The following MVB12B variants were observed in gnomAD, a reference collection of about 807,000 sequenced individuals.
MVB12B encodes ESCRT-I complex subunit MVB12B.
Under a neutral mutation model 41.6 loss-of-function variants are expected in MVB12B, and 16 were observed. The observed-to-expected ratio is 0.38, with a 90% CI of 0.26 to 0.58. MVB12B has a LOEUF of 0.58. Among genes scored for constraint, MVB12B ranks in the 20% least tolerant of loss-of-function variants. The pLI is 0.62. For synonymous variants in MVB12B, 133 were observed against 139.7 expected, an observed-to-expected ratio of 0.95 and a Z score of 0.34; for missense variants, 274 against 380.2, an observed-to-expected ratio of 0.72 and a Z score of 2.32.
At chr9:126,336,754 G>GCACGCACA (rs1554766433) in intron 1 of MVB12B, among the ~76,000 whole-genome samples, 7 of 150,292 alleles carry the variant, frequency 4.7e-5, no homozygotes, top group Admixed American at 4.6e-4. Flanking sequence ...GTGTGTGCAC[G>GCACGCACA]CACACACACA....
At chr9:126,383,576 G>A (rs984083584) in intron 3 of MVB12B, among the ~76,000 whole-genome samples, 5 of 152,178 alleles carry the variant, frequency 3.3e-5, no homozygotes, top group African/African-American at 1.2e-4. Flanking sequence ...CTGGCTACCA[G>A]AGACAATATA....
At chr9:126,461,078 G>A (rs1401610698) in intron 7 of MVB12B, among the ~76,000 whole-genome samples, 1 of 152,210 alleles carries the variant, frequency 6.6e-6, no homozygotes, top group Non-Finnish European at 1.5e-5. Flanking sequence ...ATCCAGGTGG[G>A]TGGCAGAGCT....
intron 2 of MVB12B, among the ~76,000 whole-genome samples, chr9:126,378,848 C>T (rs574474507): frequency 3.3e-5 from 5 of 152,280 alleles, no homozygotes; most frequent in South Asian, 4.1e-4. Context: ...CTCACGTTGC[C>T]GGCTTCTCCC....
At chr9:126,479,861 C>G (rs565157417) in intron 7 of MVB12B, among the ~76,000 whole-genome samples, 1 of 152,304 alleles carries the variant, frequency 6.6e-6, no homozygotes, top group South Asian at 2.1e-4. Flanking sequence ...ATGTTTTATC[C>G]CTGTATGAAC....
intron 7 of MVB12B, among the ~76,000 whole-genome samples, chr9:126,466,809 T>C (rs1287981946): frequency 6.6e-6 from 1 of 152,078 alleles, no homozygotes; most frequent in Non-Finnish European, 1.5e-5. Context: ...TGTATGCCAC[T>C]CACTTTTGTG....
At chr9:126,431,645 C>T (rs562391344) in intron 7 of MVB12B, among the ~76,000 whole-genome samples, 6 of 152,090 alleles carry the variant, frequency 3.9e-5, no homozygotes, top group Non-Finnish European at 8.8e-5. Context: ...AGAGCTTAGG[C>T]GGCACTGGTT....
At chr9:126,411,107 T>C (rs186852566) in intron 6 of MVB12B, among the ~76,000 whole-genome samples, 17 of 152,278 alleles carry the variant, frequency 1.1e-4, no homozygotes, top group African/African-American at 3.9e-4. Flanking sequence ...CAGGCTGGTC[T>C]TGAACTCCTG....
chr9:126,465,434 A>G (rs945675578), intron 7 of MVB12B, among the ~76,000 whole-genome samples: 1 of 152,046 alleles, frequency 6.6e-6, no homozygotes, highest in African/African-American at 2.4e-5. Context: ...CAAACTCACC[A>G]GTGAGCACCA....
In MVB12B at chr9:126,367,206, C is replaced by G. The variant is rs753733448; in HGVS notation, c.205-13858C>G. Reference sequence around the variant, plus strand: ...CGACTCCAGGTTTCTCCTATAAGCGCCACTCTGAGAATTTCTCCTTCCTGC... The same window carrying G: ...CGACTCCAGGTTTCTCCTATAAGCGGCACTCTGAGAATTTCTCCTTCCTGC... On this transcript the variant is annotated intron_variant, in intron 2 of 9. Coordinates refer to ENST00000361171, the MANE Select transcript of MVB12B (RefSeq NM_033446.3). The surrounding 1 kb of genome is among the most constrained non-coding windows in gnomAD (Gnocchi z 4.3). Among the ~76,000 whole-genome samples, 1 of 152,134 alleles carries G rather than the reference C, an allele frequency of 6.6e-6. No homozygotes were observed. The highest frequency in any genetic ancestry group is 1.5e-5 in the Non-Finnish European group (1 of 68,034).
At chr9:126,492,674 G>A (rs527848625) in intron 9 of MVB12B, among the ~76,000 whole-genome samples, 30 of 152,092 alleles carry the variant, frequency 2.0e-4, no homozygotes, top group African/African-American at 6.8e-4. Flanking sequence ...CCACCCCATC[G>A]CTACAAAAAT....
intron 2 of MVB12B, among the ~76,000 whole-genome samples, chr9:126,368,348 G>A (rs1271137778): frequency 6.6e-6 from 1 of 152,174 alleles, no homozygotes; most frequent in African/African-American, 2.4e-5. Context: ...GGCTGGTATT[G>A]GGTGATGTGG....
rs1319945000 is a variant in MVB12B, at chr9:126,376,754, C to T, written c.205-4310C>T. Reference sequence around the variant, plus strand: ...CCACCTCCTCCTGACCTCCAGCCTCCTTCCCCACCTGCCGGGCTTGTAGAG... The same window carrying T: ...CCACCTCCTCCTGACCTCCAGCCTCTTTCCCCACCTGCCGGGCTTGTAGAG... On this transcript the variant is annotated intron_variant, in intron 2 of 9. Coordinates refer to ENST00000361171, the MANE Select transcript of MVB12B (RefSeq NM_033446.3). This position sits in a 1 kb window ranked among gnomAD's most constrained non-coding sequence, Gnocchi z 4.1. 1.6e-6 allele frequency: 2 copies of T among 1,224,484 alleles called. No individual in the cohort carries two copies. The highest frequency in any genetic ancestry group is 5.6e-5 in the East Asian group (1 of 17,716). 75.9% of individuals were successfully genotyped at this position (1,224,484 alleles called of 1,614,324 possible).
At chr9:126,409,546 CTG>C (rs1179008507) in intron 6 of MVB12B, among the ~76,000 whole-genome samples, 2 of 152,220 alleles carry the variant, frequency 1.3e-5, no homozygotes, top group African/African-American at 4.8e-5. Flanking sequence ...GGCTTTCTGT[CTG>C]TGTCCAGGGT....
At chr9:126,371,161 C>T (rs971050098) in intron 2 of MVB12B, among the ~76,000 whole-genome samples, 1 of 152,182 alleles carries the variant, frequency 6.6e-6, no homozygotes, top group Non-Finnish European at 1.5e-5. Context: ...GAGGAGCCGG[C>T]CTTCCCCTGG....
chr9:126,501,028 C>G (rs73586895), intron 9 of MVB12B, among the ~76,000 whole-genome samples: 2,369 of 152,316 alleles, frequency 0.016, 34 homozygotes, highest in African/African-American at 0.043. Context: ...GAATTTGCCG[C>G]TGTTCCCTGC....
intron 7 of MVB12B, among the ~76,000 whole-genome samples, chr9:126,422,402 T>A (rs1832052450): frequency 6.6e-6 from 1 of 152,222 alleles, no homozygotes; most frequent in African/African-American, 2.4e-5. Context: ...CCCTGGAGCA[T>A]GAGTCTGTGG....
intron 7 of MVB12B, among the ~76,000 whole-genome samples, chr9:126,439,429 G>T (rs947091487): frequency 1.3e-5 from 2 of 152,236 alleles, no homozygotes; most frequent in Admixed American, 6.5e-5. Flanking sequence ...GTACCACACA[G>T]ATTGTACCAT....
intron 6 of MVB12B, among the ~76,000 whole-genome samples, chr9:126,398,546 A>G (rs1831182743): frequency 6.6e-6 from 1 of 152,190 alleles, no homozygotes; most frequent in African/African-American, 2.4e-5. Flanking sequence ...GTGTAATAGC[A>G]AGTCTGCATC....
At chr9:126,496,258 CACCT>C (rs1176147743) in intron 9 of MVB12B, among the ~76,000 whole-genome samples, 3 of 136,742 alleles carry the variant, frequency 2.2e-5, no homozygotes, top group Non-Finnish European at 4.7e-5. Context: ...ACCATCCATC[CACCT>C]ACCCATCGCC....
Sources: gnomAD v4.1 joint callset for allele counts (sites outside exome capture counted in the v4.1 genomes callset) on GRCh38, gnomAD v4.1.1 for gene constraint, Gnocchi (gnomAD v3.1) non-coding constraint, MANE v1.5 for transcripts, NCBI Gene and HGNC (gene_info 2026-07-23, HGNC 2026-07-21) for gene names.